The following C8orf34 variants were observed in gnomAD, a reference collection of about 807,000 sequenced individuals.
C8orf34 encodes the protein uncharacterized protein C8orf34.
Under a neutral mutation model 68.3 loss-of-function variants are expected in C8orf34, and 65 were observed. The ratio of observed to expected loss-of-function variants is 0.95; its 90% CI spans 0.78 to 1.17. The LOEUF (loss-of-function observed/expected upper bound fraction) is 1.17. Among genes scored for constraint, C8orf34 ranks in the 50% most tolerant of loss-of-function variants. The pLI, the probability that C8orf34 is intolerant of heterozygous loss-of-function variation, is 0.00. For missense variants in C8orf34, 664 were observed against 655.4 expected, an observed-to-expected ratio of 1.01 and a Z score of -0.14; for synonymous variants, 244 against 241.2, an observed-to-expected ratio of 1.01 and a Z score of -0.11.
intron 1 of C8orf34, among the ~76,000 whole-genome samples, chr8:68,414,471 T>C (rs1341269738): frequency 3.3e-5 from 5 of 152,194 alleles, no homozygotes; most frequent in African/African-American, 1.2e-4. Flanking sequence ...AATGCCATGA[T>C]AGGAGGAAAT....
At chr8:68,585,815 A>G (rs138163150) in intron 7 of C8orf34, among the ~76,000 whole-genome samples, 88 of 152,274 alleles carry the variant, frequency 5.8e-4, no homozygotes, top group African/African-American at 2.0e-3. Context: ...AGAACAAGCA[A>G]TCGAGGAGGA....
At chr8:68,567,119 T>C (rs115725993) in intron 7 of C8orf34, among the ~76,000 whole-genome samples, 2,404 of 152,316 alleles carry the variant, frequency 0.016, 70 homozygotes, top group African/African-American at 0.054. Flanking sequence ...CTCGTTTTGG[T>C]ATTAGAGTGA....
At chr8:68,370,323 G>T (rs551488471) in intron 1 of C8orf34, among the ~76,000 whole-genome samples, 45 of 152,162 alleles carry the variant, frequency 3.0e-4, no homozygotes, top group Non-Finnish European at 5.7e-4. Flanking sequence ...TGTTGCCCAT[G>T]ATAGTAAATA....
Position 68,446,251 on chromosome 8 carries a change from T to A in C8orf34, c.476-78T>A. On this transcript the variant is annotated intron_variant, in intron 2 of 13. Transcript: ENST00000518698. ...ACCTATATGTTTTGTCAAGTATATT[T>A]AATGACTTCGTGGACTTGGTTTTTG... The A allele has an allele frequency of 2.4e-6, 3 of 1,237,176 alleles. No homozygotes were observed. In the South Asian group the frequency reaches 4.6e-5, roughly 19 times the overall value. The allele number at this position is 1,237,176 out of a possible 1,614,324, so 76.6% of individuals were successfully genotyped here. A position where few individuals can be genotyped will look rare whatever the true frequency, so the allele number is the denominator to read the frequency against.
intron 10 of C8orf34, among the ~76,000 whole-genome samples, chr8:68,743,150 T>C (rs113123272): frequency 6.6e-6 from 1 of 152,200 alleles, no homozygotes; most frequent in Non-Finnish European, 1.5e-5. Context: ...TTGAGGTAGT[T>C]AAATTTGAGT....
At chr8:68,398,186 A>T (rs937483137) in intron 1 of C8orf34, among the ~76,000 whole-genome samples, 1 of 152,202 alleles carries the variant, frequency 6.6e-6, no homozygotes, top group Non-Finnish European at 1.5e-5. Flanking sequence ...TAACAACCTG[A>T]GGCATAGATT....
In C8orf34 at chr8:68,615,495, A is replaced by G. The variant is rs549324960; in HGVS notation, c.1106-24881A>G. Among the ~76,000 whole-genome samples the G allele has an allele frequency of 3.5e-3, 528 of 152,294 alleles. 1 individual carries two copies. Among genetic ancestry groups the G allele is most frequent in the African/African-American group, 0.012 (502 of 41,558 alleles). ...ACCTAATTTATTGAGAGTTTTTAGC[A>G]TGAAGGGTTGCTGAATTTTGTCAAA... On this transcript the variant is annotated intron_variant, in intron 7 of 13. Transcript: ENST00000518698.
intron 5 of C8orf34, among the ~76,000 whole-genome samples, chr8:68,504,102 C>T (rs1813898738): frequency 6.6e-6 from 1 of 152,200 alleles, no homozygotes; most frequent in Non-Finnish European, 1.5e-5. Context: ...CCTCCAACTC[C>T]TCAGCCCTAG....
intron 7 of C8orf34, among the ~76,000 whole-genome samples, chr8:68,577,808 C>A: frequency 1.3e-5 from 2 of 150,378 alleles, no homozygotes; most frequent in Admixed American, 6.6e-5. Context: ...TATGTAAAGA[C>A]AATAATTCTA....
chr8:68,745,319 G>T (rs1822451780), intron 10 of C8orf34, among the ~76,000 whole-genome samples: 1 of 151,860 alleles, frequency 6.6e-6, no homozygotes, highest in Non-Finnish European at 1.5e-5. Context: ...GGAAGAAACT[G>T]CATCAACTAA....
At chr8:68,476,013 A>G (rs1241686589) in intron 4 of C8orf34, among the ~76,000 whole-genome samples, 2 of 152,230 alleles carry the variant, frequency 1.3e-5, no homozygotes, top group African/African-American at 4.8e-5. Flanking sequence ...AGAGAAAAAA[A>G]TAGCAAAGGA....
At chr8:68,489,559 T>G (rs543830573) in intron 5 of C8orf34, among the ~76,000 whole-genome samples, 3 of 152,328 alleles carry the variant, frequency 2.0e-5, no homozygotes, top group African/African-American at 7.2e-5. Context: ...TGCAATATTC[T>G]TAGTAATTTT....
intron 6 of C8orf34, chr8:68,525,956 CTTTTTT>C: frequency 9.6e-5 from 17 of 177,684 alleles, no homozygotes; most frequent in Non-Finnish European, 1.1e-4. Context: ...TTCTTTCTTT[CTTTTTT>C]TTTTTTTTTT....
At chr8:68,578,734 C>G (rs16934717) in intron 7 of C8orf34, among the ~76,000 whole-genome samples, 30,842 of 151,668 alleles carry the variant, frequency 0.2, 3,958 homozygotes, top group African/African-American at 0.37. Context: ...TATTTTGCCA[C>G]TAGTACATAA....
chr8:68,639,706 G>C (rs2130731230), intron 7 of C8orf34, among the ~76,000 whole-genome samples: 1 of 152,270 alleles, frequency 6.6e-6, no homozygotes, highest in East Asian at 1.9e-4. Context: ...TAACAGAGCT[G>C]AATCTCAAGA....
At chr8:68,760,671 T>A (rs1370664993) in intron 10 of C8orf34, among the ~76,000 whole-genome samples, 1 of 152,228 alleles carries the variant, frequency 6.6e-6, no homozygotes, top group Non-Finnish European at 1.5e-5. Context: ...TTTTTTTTCC[T>A]TTAAATGACT....
At chr8:68,340,112 G>A (rs980496155) in intron 1 of C8orf34, among the ~76,000 whole-genome samples, 1 of 152,038 alleles carries the variant, frequency 6.6e-6, no homozygotes, top group Non-Finnish European at 1.5e-5. Flanking sequence ...ACTTTAATAA[G>A]CATTGGTGAA....
intron 12 of C8orf34, among the ~76,000 whole-genome samples, chr8:68,811,507 C>T (rs180992111): frequency 1.4e-3 from 207 of 152,350 alleles, no homozygotes; most frequent in African/African-American, 4.6e-3. Context: ...CCATGGAGTG[C>T]ACATCCCTGG....
intron 1 of C8orf34, among the ~76,000 whole-genome samples, chr8:68,396,712 CAA>C (rs56946858): frequency 0.038 from 702 of 18,574 alleles, 1 homozygote; most frequent in African/African-American, 0.11. Context: ...AGCTGCTTGT[CAA>C]AAAAAAAAAA....
Sources: gnomAD v4.1 joint callset for allele counts (sites outside exome capture counted in the v4.1 genomes callset) on GRCh38, gnomAD v4.1.1 for gene constraint, MANE v1.5 for transcripts, NCBI Gene and HGNC (gene_info 2026-07-23, HGNC 2026-07-21) for gene names.